GASK1A: variants seen among roughly 807,000 people sequenced by gnomAD.
The protein encoded by GASK1A is Golgi-associated kinase 1A.
Under a neutral mutation model 41.2 loss-of-function variants are expected in GASK1A, and 40 were observed. The observed-to-expected ratio is 0.97, with a 90% CI of 0.75 to 1.27. The LOEUF (loss-of-function observed/expected upper bound fraction) is 1.27, where lower values mean the gene tolerates loss of function less well. GASK1A is among the 50% of genes most tolerant of loss of function. The pLI is 0.00. For synonymous variants in GASK1A, 316 were observed against 307.1 expected (o/e 1.03, Z -0.30); for missense variants, 678 against 745.1 (o/e 0.91, Z 1.05).
chr3:42,986,662 C>A (rs1380676408), intron 1 of GASK1A, among the ~76,000 whole-genome samples: 1 of 152,106 alleles, frequency 6.6e-6, no homozygotes, highest in Non-Finnish European at 1.5e-5. Flanking sequence ...GGTGCTCGCC[C>A]CACCAGCTAG....
intron 1 of GASK1A, among the ~76,000 whole-genome samples, chr3:43,012,336 T>C (rs1421278752): frequency 2.0e-5 from 3 of 146,896 alleles, no homozygotes; most frequent in Non-Finnish European, 4.5e-5. Context: ...AGGGGCAGTG[T>C]GAAGCCACTG....
At chr3:43,037,612 T>TG (rs1553615835) in intron 2 of GASK1A, among the ~76,000 whole-genome samples, 2 of 151,830 alleles carry the variant, frequency 1.3e-5, no homozygotes, top group Non-Finnish European at 2.9e-5. Flanking sequence ...ATTTAAATGA[T>TG]ACATTTTTAA....
intron 1 of GASK1A, among the ~76,000 whole-genome samples, chr3:43,006,204 C>T (rs767013966): frequency 1.4e-4 from 21 of 152,138 alleles, no homozygotes; most frequent in Admixed American, 5.2e-4. Flanking sequence ...CTGAGCTGGT[C>T]GCTTTCTTGG....
rs538269234 is a variant in GASK1A at position 43,032,462 on chromosome 3, A to G, written c.199A>G (p.Ser67Gly). 36 of 1,551,026 alleles carry G rather than the reference A, an allele frequency of 2.3e-5. No homozygotes were observed. In the African/African-American group the frequency reaches 4.8e-4, roughly 21 times the overall value. Residue 67 changes from serine (S) to glycine (G), a missense_variant, in exon 2 of 5, where the codon AGC becomes GGC. Physicochemically the swap from Ser to Gly is moderately conservative, Grantham distance 56. Coordinates refer to ENST00000430121, the MANE Select transcript of GASK1A (RefSeq NM_001129908.3). ...CCATATCCGGCAGGCTTTGAGCTCC[A>G]GCCGGAGGCAGCGGGCAAGAAACAT... ...ATHIRQALSS[S>G]RRQRARNMGF... is the part of the protein sequence containing the mutation.
At chr3:43,038,688 A>G (rs1256375945) in intron 2 of GASK1A, among the ~76,000 whole-genome samples, 1 of 152,124 alleles carries the variant, frequency 6.6e-6, no homozygotes, top group East Asian at 1.9e-4. Flanking sequence ...AGAAGCAGGT[A>G]TACTTCTATC....
intron 1 of GASK1A, among the ~76,000 whole-genome samples, chr3:43,005,964 G>C (rs1379474246): frequency 6.6e-6 from 1 of 152,186 alleles, no homozygotes; most frequent in Non-Finnish European, 1.5e-5. Context: ...CCGCTGGGGG[G>C]CTTGGAACGT....
intron 1 of GASK1A, among the ~76,000 whole-genome samples, chr3:42,981,192 A>G (rs544827654): frequency 6.6e-6 from 1 of 152,296 alleles, no homozygotes; most frequent in South Asian, 2.1e-4. Context: ...GACTTGTGTC[A>G]ACATTTCACT....
At chr3:43,031,091 A>C (rs535858393) in intron 1 of GASK1A, among the ~76,000 whole-genome samples, 4 of 152,348 alleles carry the variant, frequency 2.6e-5, no homozygotes, top group African/African-American at 4.8e-5. Context: ...ATAGTATCAA[A>C]AATCTCTAAG....
intron 2 of GASK1A, among the ~76,000 whole-genome samples, chr3:43,051,757 A>G (rs2089689103): frequency 1.3e-5 from 2 of 152,196 alleles, no homozygotes; most frequent in Non-Finnish European, 2.9e-5. Flanking sequence ...CCGGGCAACC[A>G]AAAAACCATG....
intron 1 of GASK1A, among the ~76,000 whole-genome samples, chr3:42,990,357 A>G (rs1181198667): frequency 5.2e-4 from 79 of 151,946 alleles, no homozygotes; most frequent in African/African-American, 1.8e-3. Context: ...CTCAAAAAAA[A>G]AAAAAAAAGG....
Position 43,005,642 on chromosome 3 carries a change from G to A in GASK1A, c.3+25997G>A, listed in dbSNP as rs969687421. Among the ~76,000 whole-genome samples, 4 of 152,132 alleles carry A rather than the reference G, an allele frequency of 2.6e-5. No individual in the cohort carries two copies. The East Asian group carries it at 5.8e-4, about 22-fold the overall frequency. Reference sequence around the variant, plus strand: ...TGCAATTGGAGTGTGACAAAGAGACGCTGAAAGTGCTTCATTTAAGTGAGA... The same window carrying A: ...TGCAATTGGAGTGTGACAAAGAGACACTGAAAGTGCTTCATTTAAGTGAGA... On this transcript the variant is annotated intron_variant, in intron 1 of 4. Transcript: ENST00000430121.
intron 1 of GASK1A, among the ~76,000 whole-genome samples, chr3:42,982,420 A>G (rs1368961871): frequency 6.6e-6 from 1 of 152,222 alleles, no homozygotes; most frequent in East Asian, 1.9e-4. Context: ...CATATTTCCT[A>G]TTCTCTTTGA....
intron 1 of GASK1A, among the ~76,000 whole-genome samples, chr3:43,030,299 G>T (rs368389117): frequency 6.6e-6 from 1 of 152,206 alleles, no homozygotes; most frequent in Non-Finnish European, 1.5e-5. Context: ...GAGCGACCGC[G>T]CCCAGCCAGG....
intron 1 of GASK1A, among the ~76,000 whole-genome samples, chr3:43,025,649 T>A (rs2089543505): frequency 6.6e-6 from 1 of 152,154 alleles, no homozygotes. Context: ...ATAAATCTTG[T>A]GGAAGTGTGC....
intron 1 of GASK1A, among the ~76,000 whole-genome samples, chr3:42,987,778 C>T (rs2089319800): frequency 1.3e-5 from 2 of 152,050 alleles, no homozygotes; most frequent in South Asian, 4.2e-4. Context: ...GTGGACAGAT[C>T]ACCTGAGGTC....
intron 1 of GASK1A, among the ~76,000 whole-genome samples, chr3:43,030,403 G>A (rs1036046666): frequency 3.3e-5 from 5 of 152,244 alleles, no homozygotes; most frequent in Non-Finnish European, 5.9e-5. Context: ...ACGACCCACA[G>A]CTCAAGTGTA....
At chr3:43,026,719 T>C (rs574456199) in intron 1 of GASK1A, among the ~76,000 whole-genome samples, 1 of 151,094 alleles carries the variant, frequency 6.6e-6, no homozygotes, top group South Asian at 2.1e-4. Context: ...CAAAATGAAA[T>C]GAAAATAGTT....
chr3:42,999,512 C>A (rs1206280805), intron 1 of GASK1A, among the ~76,000 whole-genome samples: 3 of 152,224 alleles, frequency 2.0e-5, no homozygotes, highest in Non-Finnish European at 4.4e-5. Context: ...TCTCTCGCAG[C>A]CCACCCTGAT....
chr3:42,982,375 C>T (rs560774004), intron 1 of GASK1A, among the ~76,000 whole-genome samples: 232 of 152,256 alleles, frequency 1.5e-3, no homozygotes, highest in Non-Finnish European at 2.8e-3. Context: ...AGAAAAAATA[C>T]ACAACTTCTA....
Sources: gnomAD v4.1 joint callset for allele counts (sites outside exome capture counted in the v4.1 genomes callset) on GRCh38, gnomAD v4.1.1 for gene constraint, MANE v1.5 for transcripts, NCBI Gene and HGNC (gene_info 2026-07-23, HGNC 2026-07-21) for gene names.